The following NOL8 variants were observed in gnomAD, a reference collection of about 807,000 sequenced individuals.
NOL8 encodes the protein nucleolar protein Nop132.
A neutral mutation model predicts 116.1 loss-of-function variants in NOL8; 93 were observed. The observed-to-expected ratio is 0.80, with a 90% CI of 0.68 to 0.95. The LOEUF is 0.95. NOL8 is among the 40% of genes least tolerant of loss of function. The pLI is 0.00. For synonymous variants in NOL8, 419 were observed against 469.0 expected (o/e 0.89, Z 1.38); for missense variants, 1,291 against 1,382.8 (o/e 0.93, Z 1.05).
intron 7 of NOL8, among the ~76,000 whole-genome samples, chr9:92,312,520 GT>G (rs796149855): frequency 8.8e-5 from 13 of 148,278 alleles, no homozygotes; most frequent in African/African-American, 2.7e-4. Context: ...TGGAAAGAGA[GT>G]AAGGATTGAA....
chr9:92,310,642 CA>C lies in NOL8; in HGVS notation c.2505del (p.Phe835LeufsTer52), dbSNP rs1460518863. On this transcript the variant is annotated frameshift_variant, in exon 9 of 17. Transcript: ENST00000442668. LOFTEE classifies it high-confidence loss of function. ...ESMGKTSGKLFDSSDDDESDS... is the reference protein window; with the variant it reads ...ESMGKTSGKLXDSSDDDESDS... ...TCAGATTCGTCATCATCACTGCTAT[CA>C]AACAGCTTCCCTGATGTTTTACCCA... is the stretch of plus-strand genomic sequence containing the variant. 1.2e-6 allele frequency: 2 copies of C among 1,612,016 alleles called. No individual in the cohort carries two copies. The highest frequency in any genetic ancestry group is 1.7e-6 in the Non-Finnish European group (2 of 1,179,294).
rs1257571828 is a variant in NOL8 at position 92,310,140 on chromosome 9, A to G, written c.2686+31T>C. ...TGATTTCTCAGTGTCCCCAGATATG[A>G]CATCAGGACTCTGGACAATGAAGCA... On this transcript the variant is annotated intron_variant, in intron 10 of 16. Transcript: ENST00000442668. The G allele has an allele frequency of 8.1e-6, 12 of 1,484,844 alleles. No individual in the cohort carries two copies. The Admixed American group carries it at 2.2e-4, about 28-fold the overall frequency. The allele number at this position is 1,484,844 out of a possible 1,614,324, so 92.0% of individuals were successfully genotyped here. A position where few individuals can be genotyped will look rare whatever the true frequency, so the allele number is the denominator to read the frequency against.
At chr9:92,298,837 T>C (rs1232440477) in intron 15 of NOL8, 47 bp downstream of exon 15, 2 of 1,109,012 alleles carry the variant, frequency 1.8e-6, no homozygotes, top group Admixed American at 2.6e-5. Flanking sequence ...TGTAGCTGTA[T>C]TATTACCTGT....
At chr9:92,312,321 G>A (rs1838868236) in intron 7 of NOL8, among the ~76,000 whole-genome samples, 1 of 151,684 alleles carries the variant, frequency 6.6e-6, no homozygotes, top group Admixed American at 6.6e-5. Context: ...GGGCATGGTG[G>A]CACGTGACTG....
intron 6 of NOL8, among the ~76,000 whole-genome samples, chr9:92,316,731 C>T (rs769160524): frequency 1.9e-4 from 29 of 151,522 alleles, no homozygotes; most frequent in Admixed American, 1.4e-3. Flanking sequence ...CGAGGTGGGC[C>T]GATTACATGA....
Position 92,323,466 on chromosome 9 carries a change from A to G in NOL8, c.177T>C (p.Ser59=), listed in dbSNP as rs1588012205. 2.5e-6 allele frequency: 4 copies of G among 1,607,302 alleles called. No individual in the cohort carries two copies. The highest frequency in any genetic ancestry group is 4.5e-5 in the East Asian group (2 of 44,776). ...ATTTTTTCAGGTCCGCTTCTGCTAC[A>G]CTGATGTTGATATATGCAAAAACTT... is the stretch of plus-strand genomic sequence containing the variant. ...PQKVFAYINI[S]VAEADLKKCM... Residue 59 remains serine, a synonymous_variant, in exon 3 of 17, where the codon AGT becomes AGC. Coordinates refer to ENST00000442668, the MANE Select transcript of NOL8 (RefSeq NM_017948.6).
intron 8 of NOL8, 126 bp downstream of exon 8, chr9:92,311,020 G>T (rs1040808547): frequency 7.2e-6 from 5 of 693,788 alleles, no homozygotes; most frequent in Non-Finnish European, 9.7e-6. Flanking sequence ...TCAATATGAG[G>T]TGACCTGGCA....
At chr9:92,319,170 G>C (rs1458942387) in intron 5 of NOL8, 51 bp downstream of exon 5, 4 of 1,469,002 alleles carry the variant, frequency 2.7e-6, no homozygotes, top group Non-Finnish European at 3.6e-6. Context: ...GTGATCTCAG[G>C]CATCAGTTTC....
At chr9:92,302,472 G>A (rs561134388) in intron 12 of NOL8, among the ~76,000 whole-genome samples, 7 of 152,242 alleles carry the variant, frequency 4.6e-5, no homozygotes, top group African/African-American at 1.7e-4. Context: ...AAAATAATAA[G>A]TGAACAGGAT....
intron 12 of NOL8, 108 bp from the exon 13 acceptor site, chr9:92,301,930 A>G: frequency 1.2e-6 from 1 of 847,958 alleles, no homozygotes; most frequent in South Asian, 2.0e-5. Flanking sequence ...TATCCTATCA[A>G]CAACCAGAAT....
In NOL8 at chr9:92,310,403, A is replaced by T. The variant is rs1414418664; in HGVS notation, c.2596-142T>A. ...CCTACCTCCATCTACTTATGAACCA[A>T]TCAGAGAGGATCACAGAAGACTCAC... On this transcript the variant is annotated intron_variant, in intron 9 of 16. Transcript: ENST00000442668. 9 of 1,148,704 alleles carry T rather than the reference A, an allele frequency of 7.8e-6. No individual in the cohort carries two copies. In the Admixed American group the frequency reaches 1.8e-4, roughly 24 times the overall value. 71.2% of individuals were successfully genotyped at this position (1,148,704 alleles called of 1,614,324 possible). A position where few individuals can be genotyped will look rare whatever the true frequency, so the allele number is the denominator to read the frequency against.
At chr9:92,305,956 A>G (rs1838215112) in intron 11 of NOL8, 126 bp from the exon 12 acceptor site, 5 of 640,338 alleles carry the variant, frequency 7.8e-6, no homozygotes, top group Non-Finnish European at 2.8e-6. Flanking sequence ...GCCATATAAC[A>G]TCAGATAAGA....
At chr9:92,321,827 C>A in intron 3 of NOL8, 81 bp from the exon 4 acceptor site, 2 of 718,626 alleles carry the variant, frequency 2.8e-6, no homozygotes, top group South Asian at 2.0e-5. Context: ...TATTTAGTAT[C>A]AAGAAAAGCA....
chr9:92,298,151 C>A, intron 16 of NOL8, 106 bp downstream of exon 16: 2 of 821,940 alleles, frequency 2.4e-6, no homozygotes, highest in South Asian at 1.8e-5. Flanking sequence ...TTGAGCCAGT[C>A]TGCAGTCTCC....
In NOL8 at chr9:92,301,825, GA is replaced by G. The variant is rs1394468556; in HGVS notation, c.2904-4del. On this transcript the variant is annotated splice_region_variant and splice_polypyrimidine_tract_variant and intron_variant, in intron 12 of 16. Coordinates refer to ENST00000442668, the MANE Select transcript of NOL8 (RefSeq NM_017948.6). ...TTTTCTTTTTTCGTTTTGCTTTACT[GA>G]AATGACATATGTAGACATGTGCATC... 1.3e-6 allele frequency: 2 copies of G among 1,575,654 alleles called. No individual in the cohort carries two copies. The highest frequency in any genetic ancestry group is 2.3e-5 in the South Asian group (2 of 86,062).
intron 7 of NOL8, among the ~76,000 whole-genome samples, chr9:92,313,605 A>G (rs986606527): frequency 2.0e-5 from 3 of 152,236 alleles, no homozygotes; most frequent in Admixed American, 6.5e-5. Flanking sequence ...CTCATGCTGT[A>G]TAAGTTTTAA....
In NOL8 at chr9:92,305,748, C is replaced by T. The variant is rs765193253; in HGVS notation, c.2903+5G>A. 1.9e-6 allele frequency: 3 copies of T among 1,589,106 alleles called. No individual in the cohort carries two copies. The highest frequency in any genetic ancestry group is 2.2e-5 in the East Asian group (1 of 44,750). ...CCTATTGCTAAAAGAAGTAGCTCTA[C>T]TTACCTTTCTTTTGGCTTATCATCT... On this transcript the variant is annotated splice_donor_5th_base_variant and intron_variant, in intron 12 of 16. Coordinates refer to ENST00000442668, the MANE Select transcript of NOL8 (RefSeq NM_017948.6).
intron 2 of NOL8, 54 bp downstream of exon 2, chr9:92,323,969 A>G (rs1370871225): frequency 1.3e-6 from 2 of 1,583,118 alleles, no homozygotes; most frequent in Non-Finnish European, 1.7e-6. Flanking sequence ...ATTTTCTAGC[A>G]CTTAACCTGA....
intron 14 of NOL8, 126 bp downstream of exon 14, chr9:92,299,761 AAAT>A: frequency 2.9e-6 from 3 of 1,051,210 alleles, no homozygotes; most frequent in Non-Finnish European, 4.1e-6. Context: ...CAAAAAAAAA[AAAT>A]AAAATAAAAA....
Sources: gnomAD v4.1 joint callset for allele counts (sites outside exome capture counted in the v4.1 genomes callset) on GRCh38, gnomAD v4.1.1 for gene constraint, MANE v1.5 for transcripts, NCBI Gene and HGNC (gene_info 2026-07-23, HGNC 2026-07-21) for gene names.